CTNND2: variants seen among roughly 807,000 people sequenced by gnomAD.
The protein encoded by CTNND2 is catenin delta 2, also known as catenin delta-2.
A neutral mutation model predicts 144.4 loss-of-function variants in CTNND2; 22 were observed. The observed-to-expected ratio is 0.15, with a 90% confidence interval of 0.11 to 0.22. The LOEUF (loss-of-function observed/expected upper bound fraction) is 0.22. Among genes scored for constraint, CTNND2 ranks in the 10% least tolerant of loss-of-function variants. The probability of loss-of-function intolerance (pLI) is 1.00; values close to 1 mark genes in which losing one functional copy is unlikely to be tolerated. For synonymous variants in CTNND2, 751 were observed against 695.6 expected (o/e 1.08, Z -1.25); for missense variants, 1,353 against 1,618.8 (o/e 0.84, Z 2.82).
At chr5:11,783,490 C>T (rs995505519) in intron 1 of CTNND2, among the ~76,000 whole-genome samples, 4 of 152,162 alleles carry the variant, frequency 2.6e-5, no homozygotes, top group African/African-American at 7.2e-5. Context: ...GCTTCCGCAT[C>T]GGGATTCCCT....
intron 12 of CTNND2, among the ~76,000 whole-genome samples, chr5:11,132,003 GC>G (rs1755667546): frequency 6.6e-6 from 1 of 152,156 alleles, no homozygotes; most frequent in Non-Finnish European, 1.5e-5. Flanking sequence ...TTTTGTGATT[GC>G]TTTGATCACT....
chr5:11,782,346 CA>C (rs148323578), intron 1 of CTNND2, among the ~76,000 whole-genome samples: 18,049 of 150,314 alleles, frequency 0.12, 1,152 homozygotes, highest in East Asian at 0.18. Context: ...ACACTAAATA[CA>C]AAAAAAAAGC....
intron 2 of CTNND2, among the ~76,000 whole-genome samples, chr5:11,662,781 C>A (rs574486136): frequency 6.6e-6 from 1 of 152,244 alleles, no homozygotes; most frequent in Admixed American, 6.5e-5. Flanking sequence ...ACAGTTTGGG[C>A]AGTTTCATCC....
At position 11,159,680 on chromosome 5, in the gene CTNND2, C is replaced by T. The variant is rs778345285; in HGVS notation, c.2055G>A (p.Ala685=). The T allele has an allele frequency of 9.3e-6, 15 of 1,613,168 alleles. No individual in the cohort carries two copies. The highest frequency in any genetic ancestry group is 8.9e-5 in the East Asian group (4 of 44,828). The change falls in exon 12 of 22, where the codon GCG becomes GCA. Residue 685 remains alanine, a synonymous_variant. Coordinates refer to ENST00000304623, the MANE Select transcript of CTNND2 (RefSeq NM_001332.4). ...CCCAGCCTGAGTGGGGGATAATCACCGCGTTGGTCAGTACTGCTAGGGCAT... is the reference window on the plus strand; with the variant it reads ...CCCAGCCTGAGTGGGGGATAATCACTGCGTTGGTCAGTACTGCTAGGGCAT... ...IQDALAVLTN[A]VIIPHSGWEN...
chr5:11,135,586 T>G (rs1257805788), intron 12 of CTNND2, among the ~76,000 whole-genome samples: 1 of 152,226 alleles, frequency 6.6e-6, no homozygotes, highest in Non-Finnish European at 1.5e-5. Context: ...ACATACACTG[T>G]ATTATTTTAA....
Position 11,774,561 on chromosome 5 carries a change from T to TAAAAAAAA in CTNND2, c.38-42297_38-42290dup, listed in dbSNP as rs1202575547. Among the ~76,000 whole-genome samples, 857 of 115,976 alleles carry TAAAAAAAA rather than the reference T, an allele frequency of 7.4e-3. 7 individuals are homozygous for TAAAAAAAA. The highest frequency in any genetic ancestry group is 0.012 in the Non-Finnish European group (659 of 53,922). 76.1% of individuals were successfully genotyped at this position (115,976 alleles called of 152,430 possible). The stretch of plus-strand genomic sequence containing the variant: ...AACTTAAAGTATAATAAAAAAAAAT[T>TAAAAAAAA]AAAAAAAAAAACAATGATGGCTTTA... On this transcript the variant is annotated intron_variant, in intron 1 of 21. Transcript: ENST00000304623.
chr5:11,483,782 C>A (rs1768520564), intron 3 of CTNND2, among the ~76,000 whole-genome samples: 1 of 152,088 alleles, frequency 6.6e-6, no homozygotes, highest in South Asian at 2.1e-4. Context: ...ATGTGCTCAA[C>A]AAAGTTTAAA....
chr5:11,716,415 C>T (rs992227153), intron 2 of CTNND2, among the ~76,000 whole-genome samples: 1 of 152,126 alleles, frequency 6.6e-6, no homozygotes, highest in Non-Finnish European at 1.5e-5. Context: ...GCCCAGATAG[C>T]ATTACCATGA....
At chr5:11,893,864 A>G (rs957253577) in intron 1 of CTNND2, among the ~76,000 whole-genome samples, 2 of 152,208 alleles carry the variant, frequency 1.3e-5, no homozygotes, top group Non-Finnish European at 2.9e-5. Context: ...TTATAAGATC[A>G]TATCTGAAAT....
intron 3 of CTNND2, among the ~76,000 whole-genome samples, chr5:11,481,450 A>T (rs1360878905): frequency 6.6e-6 from 1 of 152,168 alleles, no homozygotes; most frequent in Non-Finnish European, 1.5e-5. Context: ...GTCTCTACAA[A>T]AAATTAGCCG....
rs1367603254 is a variant in CTNND2, at chr5:11,795,357, G to T, written c.38-63085C>A. Among the ~76,000 whole-genome samples the T allele has an allele frequency of 3.3e-5, 5 of 152,314 alleles. No homozygotes were observed. The East Asian group carries it at 7.7e-4, about 24-fold the overall frequency. ...ACCGCAGGGAAGGAATAAAAATCTG[G>T]AAGTGAGATTTAACATGGTTTAAGG... On this transcript the variant is annotated intron_variant, in intron 1 of 21. Transcript: ENST00000304623.
intron 11 of CTNND2, among the ~76,000 whole-genome samples, chr5:11,178,705 G>C (rs1760715774): frequency 6.6e-6 from 1 of 152,070 alleles, no homozygotes; most frequent in Non-Finnish European, 1.5e-5. Flanking sequence ...ATATATAATT[G>C]GAAATTTATG....
chr5:11,119,261 T>G (rs1753847111), intron 12 of CTNND2, among the ~76,000 whole-genome samples: 1 of 152,214 alleles, frequency 6.6e-6, no homozygotes, highest in African/African-American at 2.4e-5. Context: ...TGAAGAGTTT[T>G]TTGATACCTA....
rs25929 is a variant in CTNND2 at position 11,510,188 on chromosome 5, T to C, written c.287+54756A>G. Among the ~76,000 whole-genome samples, 1,266 of 152,248 alleles carry C rather than the reference T, an allele frequency of 8.3e-3. 12 individuals carry two copies. Among genetic ancestry groups the C allele is most frequent in the African/African-American group, 0.024 (986 of 41,566 alleles). On this transcript the variant is annotated intron_variant, in intron 3 of 21. Coordinates refer to ENST00000304623, the MANE Select transcript of CTNND2 (RefSeq NM_001332.4). Reference sequence around the variant, plus strand: ...TCCTGGCCTCAAGCAAAAATCCTCCTGCTTTGGCCTCCCAAACTGTTGGGA... The same window carrying C: ...TCCTGGCCTCAAGCAAAAATCCTCCCGCTTTGGCCTCCCAAACTGTTGGGA...
intron 2 of CTNND2, among the ~76,000 whole-genome samples, chr5:11,675,336 GGA>G (rs1226970256): frequency 6.6e-6 from 1 of 152,100 alleles, no homozygotes; most frequent in East Asian, 1.9e-4. Context: ...CACTGCCCAT[GGA>G]GACTGATCTC....
chr5:11,449,439 C>G (rs764715388), intron 3 of CTNND2, among the ~76,000 whole-genome samples: 8 of 152,164 alleles, frequency 5.3e-5, no homozygotes, highest in Admixed American at 2.0e-4. Flanking sequence ...TGCTGTCCAA[C>G]AAGATTTGGA....
At chr5:11,279,730 C>T (rs12514761) in intron 9 of CTNND2, among the ~76,000 whole-genome samples, 4,743 of 152,230 alleles carry the variant, frequency 0.031, 102 homozygotes, top group South Asian at 0.07. Context: ...GTGGCATCTG[C>T]TTCTGGGGAG....
At chr5:11,871,193 T>C (rs1363321706) in intron 1 of CTNND2, among the ~76,000 whole-genome samples, 1 of 152,174 alleles carries the variant, frequency 6.6e-6, no homozygotes, top group Non-Finnish European at 1.5e-5. Flanking sequence ...GTGAAGTAAA[T>C]TTCTGCCATT....
chr5:11,870,425 T>C (rs1277449584), intron 1 of CTNND2, among the ~76,000 whole-genome samples: 2 of 152,302 alleles, frequency 1.3e-5, no homozygotes, highest in East Asian at 3.9e-4. Flanking sequence ...GTCAATCAGT[T>C]AAGATGGAAT....
Sources: allele counts gnomAD v4.1 joint callset (sites outside exome capture counted in the v4.1 genomes callset), GRCh38; gene constraint gnomAD v4.1.1; transcripts MANE v1.5; gene names NCBI Gene and HGNC (gene_info 2026-07-23, HGNC 2026-07-21).